The following SNRPN variants were observed in gnomAD, a reference collection of about 807,000 sequenced individuals.
SNRPN encodes the protein small nuclear ribonucleoprotein-associated protein N.
A neutral mutation model predicts 25.2 loss-of-function variants in SNRPN; 7 were observed. That is an observed-to-expected ratio of 0.28 (90% CI 0.16 to 0.52). The LOEUF is 0.52. Ranked by LOEUF, SNRPN falls within the 20% of genes least tolerant of loss-of-function variation. The probability of loss-of-function intolerance (pLI) is 0.96; values close to 1 mark genes in which losing one functional copy is unlikely to be tolerated. For synonymous variants in SNRPN, 124 were observed against 110.6 expected, an observed-to-expected ratio of 1.12 and a Z score of -0.76; for missense variants, 196 against 322.5, an observed-to-expected ratio of 0.61 and a Z score of 3.00.
At chr15:24,974,210 GT>G in intron 3 of SNRPN, 100 bp from the exon 4 acceptor site, 1 of 536,328 alleles carries the variant, frequency 1.9e-6, no homozygotes, top group Non-Finnish European at 3.4e-6. Context: ...GAGGAAGGAT[GT>G]TTTTGAACGT....
intron 2 of SNRPN, among the ~76,000 whole-genome samples, chr15:24,911,288 T>A (rs911216274): frequency 6.6e-6 from 1 of 152,166 alleles, no homozygotes; most frequent in Non-Finnish European, 1.5e-5. Context: ...GACCGTTTCA[T>A]AAGGAGATTA....
At chr15:24,949,366 A>C (rs969382170) in intron 3 of SNRPN, among the ~76,000 whole-genome samples, 5 of 152,068 alleles carry the variant, frequency 3.3e-5, no homozygotes, top group Non-Finnish European at 5.9e-5. Context: ...GAACCATAAA[A>C]ACGCCTGACA....
chr15:24,977,506 G>C (rs1311073008), intron 7 of SNRPN, among the ~76,000 whole-genome samples: 1 of 152,048 alleles, frequency 6.6e-6, no homozygotes, highest in African/African-American at 2.4e-5. Flanking sequence ...TGTGTGTGGT[G>C]GTGGGTGCCT....
rs148434270 is a variant in SNRPN, at chr15:24,967,950, G to A, written c.-276G>A. ...GTTGTAGGTGTCAGTTGTACCCGAGGCGTTCTCAGCAGCAGCAAGTACCTG... is the reference window on the plus strand; with the variant it reads ...GTTGTAGGTGTCAGTTGTACCCGAGACGTTCTCAGCAGCAGCAAGTACCTG... On this transcript the variant is annotated 5_prime_UTR_variant, in exon 3 of 10. Coordinates refer to ENST00000390687, the MANE Select transcript of SNRPN (RefSeq NM_003097.6). 6.2e-7 allele frequency: 1 copy of A among 1,613,898 alleles called. No individual in the cohort carries two copies. Among genetic ancestry groups the A allele is most frequent in the Non-Finnish European group, 8.5e-7 (1 of 1,180,010 alleles).
At chr15:24,889,626 G>A (rs528707843) in intron 2 of SNRPN, among the ~76,000 whole-genome samples, 3 of 152,164 alleles carry the variant, frequency 2.0e-5, no homozygotes, top group African/African-American at 4.8e-5. Flanking sequence ...TCTTAAGAGA[G>A]GTGAACCAGG....
intron 1 of SNRPN, 130 bp from the exon 2 acceptor site, chr15:24,961,984 A>G (rs1013998654): frequency 1.3e-5 from 11 of 857,908 alleles, no homozygotes; most frequent in Admixed American, 2.0e-5. Flanking sequence ...ATCTTGTAAT[A>G]ATTTTACCTT....
chr15:24,854,007 AT>A (rs1011624933), upstream of SNRPN, among the ~76,000 whole-genome samples: 18 of 152,032 alleles, frequency 1.2e-4, no homozygotes, highest in Non-Finnish European at 2.4e-4. Context: ...TGTTTTATAT[AT>A]TTTTTCACTC....
At chr15:24,851,675 A>T (rs2052856830), upstream of SNRPN, 1 of 152,238 alleles carries the variant, frequency 6.6e-6, no homozygotes, top group South Asian at 2.1e-4. Context: ...TTCAAATATC[A>T]GTCTCGTTCC....
At chr15:24,962,735 G>A (rs908912264) in intron 2 of SNRPN, among the ~76,000 whole-genome samples, 2 of 152,082 alleles carry the variant, frequency 1.3e-5, no homozygotes, top group African/African-American at 4.8e-5. Flanking sequence ...TAGATTTCTA[G>A]AAGGGAAATT....
chr15:24,959,521 G>A (rs1376303885), intron 1 of SNRPN, among the ~76,000 whole-genome samples: 3 of 152,174 alleles, frequency 2.0e-5, no homozygotes, highest in Non-Finnish European at 4.4e-5. Context: ...TATTTCCTCA[G>A]TTGACCTCAG....
chr15:24,870,913 C>T (rs1595578976), intron 1 of SNRPN, among the ~76,000 whole-genome samples: 1 of 151,438 alleles, frequency 6.6e-6, no homozygotes, highest in South Asian at 2.1e-4. Flanking sequence ...TAGAGTCTCA[C>T]TCTGTCACCC....
chr15:24,938,513 G>T (rs978945786), intron 3 of SNRPN, among the ~76,000 whole-genome samples: 12 of 152,120 alleles, frequency 7.9e-5, no homozygotes, highest in African/African-American at 2.7e-4. Flanking sequence ...GACCTCAAGT[G>T]ATCTGCCTGC....
chr15:24,967,878 C>T, intron 2 of SNRPN, 54 bp from the exon 3 acceptor site: 3 of 1,451,450 alleles, frequency 2.1e-6, no homozygotes, highest in Non-Finnish European at 2.9e-6. Context: ...CATATGGTTT[C>T]CTATAAAGAC....
chr15:24,950,683 G>A (rs2062196848), upstream of SNRPN, among the ~76,000 whole-genome samples: 1 of 150,536 alleles, frequency 6.6e-6, no homozygotes, highest in African/African-American at 2.4e-5. Context: ...GAGTAGCTGG[G>A]ACCAGAGGTG....
chr15:24,962,190 G>A lies in SNRPN; in HGVS notation c.-314G>A. ...AGTCCAAGTCAAACGCAGAAGGACT[G>A]CCTCACTGAGCAACCAAGAGTGAGT... On this transcript the variant is annotated 5_prime_UTR_variant, in exon 2 of 10. Coordinates refer to ENST00000390687, the MANE Select transcript of SNRPN (RefSeq NM_003097.6). 2 of 1,614,082 alleles carry A rather than the reference G, an allele frequency of 1.2e-6. No homozygotes were observed. The highest frequency in any genetic ancestry group is 1.7e-6 in the Non-Finnish European group (2 of 1,179,984).
intron 2 of SNRPN, chr15:24,909,117 T>A: frequency 7.4e-7 from 1 of 1,347,498 alleles, no homozygotes; most frequent in Admixed American, 1.7e-5. Context: ...ATTTCCTCCA[T>A]CATGTCTGGA....
At chr15:24,835,922 C>A (rs1168034482) in intron 2 of SNRPN, among the ~76,000 whole-genome samples, 4 of 152,018 alleles carry the variant, frequency 2.6e-5, no homozygotes, top group African/African-American at 9.7e-5. Context: ...TCTTCGGCCT[C>A]CCAAAGGGAT....
At chr15:24,914,640 A>G (rs1029116253) in intron 2 of SNRPN, among the ~76,000 whole-genome samples, 2 of 152,198 alleles carry the variant, frequency 1.3e-5, no homozygotes, top group Non-Finnish European at 2.9e-5. Flanking sequence ...TCCAGAGTCT[A>G]ATTCACCAGT....
intron 1 of SNRPN, among the ~76,000 whole-genome samples, chr15:24,957,217 T>G (rs566710168): frequency 6.6e-6 from 1 of 152,178 alleles, no homozygotes; most frequent in Non-Finnish European, 1.5e-5. Flanking sequence ...CTTAAATGGG[T>G]TGGGGGAGAG....
Sources: allele counts gnomAD v4.1 joint callset (sites outside exome capture counted in the v4.1 genomes callset), GRCh38; gene constraint gnomAD v4.1.1; transcripts MANE v1.5; gene names NCBI Gene and HGNC (gene_info 2026-07-23, HGNC 2026-07-21).